RARS2: variants seen among roughly 807,000 people sequenced by gnomAD.
RARS2 encodes the protein probable arginine--tRNA ligase, mitochondrial.
RARS2 carries 67 observed loss-of-function variants against 88.5 expected under a neutral mutation model. The ratio of observed to expected loss-of-function variants is 0.76; its 90% CI spans 0.62 to 0.93. RARS2 has a LOEUF of 0.93. Among genes scored for constraint, RARS2 ranks in the 40% least tolerant of loss-of-function variants. The probability of loss-of-function intolerance (pLI) is 0.00; values close to 1 mark genes in which losing one functional copy is unlikely to be tolerated. For synonymous variants in RARS2, 239 were observed against 230.3 expected, an observed-to-expected ratio of 1.04 and a Z score of -0.34; for missense variants, 664 against 684.2, an observed-to-expected ratio of 0.97 and a Z score of 0.33.
intron 8 of RARS2, among the ~76,000 whole-genome samples, chr6:87,531,520 CAATAGGTGATCTTGGTA>C (rs1350910539): frequency 6.6e-6 from 1 of 152,160 alleles, no homozygotes; most frequent in Non-Finnish European, 1.5e-5. Flanking sequence ...AAGACCAATA[CAATAGGTGATCTTGGTA>C]AAAAGGACTG....
intron 4 of RARS2, among the ~76,000 whole-genome samples, chr6:87,557,667 C>T (rs1786410985): frequency 6.6e-6 from 1 of 152,218 alleles, no homozygotes; most frequent in Non-Finnish European, 1.5e-5. Flanking sequence ...GGAGTAAACA[C>T]TTTTCAAACA....
chr6:87,568,248 A>T (rs2128185183), intron 2 of RARS2, among the ~76,000 whole-genome samples: 1 of 152,356 alleles, frequency 6.6e-6, no homozygotes, highest in South Asian at 2.1e-4. Context: ...TTGTAATCCC[A>T]GTACTTTGGG....
At chr6:87,575,153 C>T (rs1340438666) in intron 1 of RARS2, among the ~76,000 whole-genome samples, 2 of 150,048 alleles carry the variant, frequency 1.3e-5, no homozygotes, top group Non-Finnish European at 3.0e-5. Context: ...AATGGAGCAG[C>T]CTTATTTGGC....
intron 9 of RARS2, 112 bp downstream of exon 9, chr6:87,530,672 C>A: frequency 7.2e-7 from 1 of 1,389,200 alleles, no homozygotes. Context: ...ATTTTAAATT[C>A]ACCTACAAAT....
chr6:87,559,332 T>C lies in RARS2; in HGVS notation c.297+3370A>G, dbSNP rs1448550731. Reference sequence around the variant, plus strand: ...AGACAGGGTCTCTAGCCAGGCATGGTGGCGGGCACCTATAATCCCAGCTAC... The same window carrying C: ...AGACAGGGTCTCTAGCCAGGCATGGCGGCGGGCACCTATAATCCCAGCTAC... On this transcript the variant is annotated intron_variant, in intron 4 of 19. Coordinates refer to ENST00000369536, the MANE Select transcript of RARS2 (RefSeq NM_020320.5). Among the ~76,000 whole-genome samples, 3 of 151,782 alleles carry C rather than the reference T, an allele frequency of 2.0e-5. No individual in the cohort carries two copies. In the South Asian group the frequency reaches 6.2e-4, roughly 31 times the overall value.
At chr6:87,567,036 A>G (rs1213066111) in intron 2 of RARS2, among the ~76,000 whole-genome samples, 1 of 151,566 alleles carries the variant, frequency 6.6e-6, no homozygotes, top group Non-Finnish European at 1.5e-5. Context: ...TTGGCCTCCC[A>G]AGGTCAGGAG....
In RARS2 at chr6:87,518,579, A is replaced by C. The variant is rs755687141; in HGVS notation, c.1415+51T>G. ...CTCTGGTCTTAGAATCACAGGACCT[A>C]GCCTAAGTAAGCACAGTGCAGCACA... On this transcript the variant is annotated intron_variant, in intron 16 of 19. Transcript: ENST00000369536. 5 of 1,533,312 alleles carry C rather than the reference A, an allele frequency of 3.3e-6. No homozygotes were observed. The Admixed American group carries it at 8.4e-5, about 26-fold the overall frequency. 95.0% of individuals were successfully genotyped at this position (1,533,312 alleles called of 1,614,324 possible).
chr6:87,533,774 C>G (rs1416332879), intron 8 of RARS2, among the ~76,000 whole-genome samples: 1 of 152,168 alleles, frequency 6.6e-6, no homozygotes, highest in Non-Finnish European at 1.5e-5. Context: ...TTGGGCTGAT[C>G]TGCCCAAATA....
intron 9 of RARS2, 81 bp from the exon 10 acceptor site, chr6:87,529,729 T>G (rs1776844991): frequency 1.9e-5 from 17 of 907,982 alleles, no homozygotes; most frequent in Non-Finnish European, 2.8e-5. Context: ...TTAAGGATGC[T>G]CTACCACCTG....
rs189281432 is a variant in RARS2, at chr6:87,537,821, C to T, written c.612+4097G>A. ...ACATTATTTACCAATACACCAAGCACTTTCCAAGCATAGAATCACGATCTC... is the reference window on the plus strand; with the variant it reads ...ACATTATTTACCAATACACCAAGCATTTTCCAAGCATAGAATCACGATCTC... On this transcript the variant is annotated intron_variant, in intron 8 of 19. Transcript: ENST00000369536. Among the ~76,000 whole-genome samples the T allele has an allele frequency of 4.6e-5, 7 of 152,332 alleles. No homozygotes were observed. In the East Asian group the frequency reaches 1.3e-3, roughly 29 times the overall value.
At chr6:87,577,445 C>T (rs1771915618) in intron 1 of RARS2, among the ~76,000 whole-genome samples, 1 of 152,182 alleles carries the variant, frequency 6.6e-6, no homozygotes, top group Non-Finnish European at 1.5e-5. Context: ...AATCATCCTG[C>T]CCTAGCCTCC....
intron 7 of RARS2, among the ~76,000 whole-genome samples, chr6:87,544,832 C>A (rs1457130837): frequency 1.3e-5 from 2 of 152,156 alleles, no homozygotes; most frequent in African/African-American, 4.8e-5. Flanking sequence ...CCACTCCTAC[C>A]TCTCACTGTA....
intron 8 of RARS2, among the ~76,000 whole-genome samples, chr6:87,541,697 G>A (rs1381246620): frequency 1.3e-5 from 2 of 152,056 alleles, no homozygotes; most frequent in African/African-American, 4.8e-5. Flanking sequence ...GGTGGCATAC[G>A]CCTGTAGTCC....
At chr6:87,514,717 A>C (rs920741665) in intron 19 of RARS2, among the ~76,000 whole-genome samples, 1 of 152,272 alleles carries the variant, frequency 6.6e-6, no homozygotes, top group Non-Finnish European at 1.5e-5. Context: ...AGTATTATAC[A>C]GTATGGCTTC....
chr6:87,543,038 A>G (rs1160568715), intron 7 of RARS2, among the ~76,000 whole-genome samples: 3 of 152,188 alleles, frequency 2.0e-5, no homozygotes, highest in Non-Finnish European at 4.4e-5. Context: ...GCAGTGGCTC[A>G]TGCCTGTAAT....
At chr6:87,551,646 A>AAAAG in intron 5 of RARS2, among the ~76,000 whole-genome samples, 1 of 151,304 alleles carries the variant, frequency 6.6e-6, no homozygotes, top group South Asian at 2.1e-4. Flanking sequence ...AAAAAAAAAA[A>AAAAG]AAAGATTACT....
At chr6:87,542,026 A>AC in intron 7 of RARS2, 32 bp from the exon 8 acceptor site, 1 of 1,538,718 alleles carries the variant, frequency 6.5e-7, no homozygotes, top group African/African-American at 1.4e-5. Flanking sequence ...GAAAAATTAT[A>AC]AAGTTGAACA....
At chr6:87,576,332 A>T in intron 1 of RARS2, among the ~76,000 whole-genome samples, 1 of 86,840 alleles carries the variant, frequency 1.2e-5, no homozygotes, top group Non-Finnish European at 2.2e-5. Context: ...GCTGGAGTGC[A>T]GTGGCGCGAT....
intron 17 of RARS2, among the ~76,000 whole-genome samples, chr6:87,517,142 G>C (rs1772032433): frequency 6.6e-6 from 1 of 152,084 alleles, no homozygotes; most frequent in African/African-American, 2.4e-5. Context: ...GCCAGGTGTG[G>C]TGGCACGCGC....
Sources: gnomAD v4.1 joint callset for allele counts (sites outside exome capture counted in the v4.1 genomes callset) on GRCh38, gnomAD v4.1.1 for gene constraint, MANE v1.5 for transcripts, NCBI Gene and HGNC (gene_info 2026-07-23, HGNC 2026-07-21) for gene names.